KIF13A: variants seen among roughly 807,000 people sequenced by gnomAD.
KIF13A encodes kinesin family member 13A, also known as kinesin-like protein KIF13A.
In KIF13A, 79 loss-of-function variants were observed where a neutral mutation model predicts 212.2. The ratio of observed to expected loss-of-function variants is 0.37; its 90% CI spans 0.31 to 0.45. The LOEUF is 0.45. Among genes scored for constraint, KIF13A ranks in the 20% least tolerant of loss-of-function variants. KIF13A has a pLI of 1.00. For synonymous variants in KIF13A, 789 were observed against 808.6 expected (o/e 0.98, Z 0.41); for missense variants, 1,901 against 2,209.0 (o/e 0.86, Z 2.79).
Position 17,971,691 on chromosome 6 carries a change from T to C in KIF13A, c.146+15363A>G, listed in dbSNP as rs111777848. Among the ~76,000 whole-genome samples the C allele has an allele frequency of 1.3e-3, 198 of 152,256 alleles. 1 individual carries two copies. In the Middle Eastern group the frequency reaches 0.014, roughly 10 times the overall value. On this transcript the variant is annotated intron_variant, in intron 2 of 38. Transcript: ENST00000259711. This position sits in a 1 kb window ranked among gnomAD's most constrained non-coding sequence, Gnocchi z 4.2. ...CCTCCCACCTCTGCCTCCCAAAGAA[T>C]TGGGATTACAGGAGTGAGTCACCAC... is the stretch of plus-strand genomic sequence containing the variant.
intron 2 of KIF13A, among the ~76,000 whole-genome samples, chr6:17,954,452 A>G (rs1778167552): frequency 6.6e-6 from 1 of 152,200 alleles, no homozygotes; most frequent in Non-Finnish European, 1.5e-5. Flanking sequence ...TGCTCAATAA[A>G]TAACAGCTGA....
intron 2 of KIF13A, among the ~76,000 whole-genome samples, chr6:17,981,549 G>A (rs755322732): frequency 2.6e-4 from 39 of 149,936 alleles, no homozygotes; most frequent in Non-Finnish European, 3.7e-4. Context: ...TCAGCCTCCC[G>A]AGTAGCTGGG....
In KIF13A at chr6:17,779,654, A is replaced by G; in HGVS notation, c.3877T>C (p.Ser1293Pro). The change falls in exon 32 of 39, where the codon TCC becomes CCC. Residue 1293 changes from serine (S) to proline (P), a missense_variant. Physicochemically the swap from Ser to Pro is moderately conservative, Grantham distance 74. Transcript: ENST00000259711. ...CAGGAATAAAATATATTTTTCAGGGATATTCTCCTCTTCAAACTCTGCGTG... is the reference window on the plus strand; with the variant it reads ...CAGGAATAAAATATATTTTTCAGGGGTATTCTCCTCTTCAAACTCTGCGTG... Reference protein sequence around the residue: ...SFTQSLKRRISLKNIFYSCGV... With the variant: ...SFTQSLKRRIPLKNIFYSCGV... 6.6e-7 allele frequency: 1 copy of G among 1,505,610 alleles called. No homozygotes were observed. Among genetic ancestry groups the G allele is most frequent in the East Asian group, 2.3e-5 (1 of 43,436 alleles). The allele number at this position is 1,505,610 out of a possible 1,614,324, so 93.3% of individuals were successfully genotyped here. A position where few individuals can be genotyped will look rare whatever the true frequency, so the allele number is the denominator to read the frequency against.
Position 17,771,133 on chromosome 6 carries a change from C to T in KIF13A, c.4562G>A (p.Ser1521Asn), listed in dbSNP as rs374548485. The T allele has an allele frequency of 5.6e-6, 9 of 1,611,504 alleles. No homozygotes were observed. The African/African-American group carries it at 1.2e-4, about 22-fold the overall frequency. The change falls in exon 38 of 39, where the codon AGC (serine) becomes AAC (asparagine). Residue 1521 changes from serine to asparagine, a missense_variant. Ser to Asn is a conservative substitution (Grantham distance 46). Coordinates refer to ENST00000259711, the MANE Select transcript of KIF13A (RefSeq NM_022113.6). This position sits in a 1 kb window ranked among gnomAD's most constrained non-coding sequence, Gnocchi z 5.4. Reference sequence around the variant, plus strand: ...ACTTACAATCTTCTTCTCACGTTTGCTATTGTGTTCTACTGGCATGCTGCT... The same window carrying T: ...ACTTACAATCTTCTTCTCACGTTTGTTATTGTGTTCTACTGGCATGCTGCT... The part of the protein sequence containing the change: ...NGSSMPVEHN[S>N]KREKKIDSEE...
intron 9 of KIF13A, among the ~76,000 whole-genome samples, chr6:17,841,347 G>A (rs1191469578): frequency 6.6e-6 from 1 of 152,134 alleles, no homozygotes; most frequent in Admixed American, 6.5e-5. Context: ...TTTCAGGTGT[G>A]AGCCACCATG....
chr6:17,833,855 CA>C (rs11358140), intron 12 of KIF13A, 105 bp downstream of exon 12: 78,489 of 361,574 alleles, frequency 0.22, 1,902 homozygotes, highest in African/African-American at 0.39. Flanking sequence ...GACTCCGTCT[CA>C]AAAAAAAAAA....
In KIF13A at chr6:17,853,873, T is replaced by C. The variant is rs111617375; in HGVS notation, c.494+1564A>G. Among the ~76,000 whole-genome samples the C allele has an allele frequency of 2.4e-3, 363 of 152,184 alleles. 1 individual carries two copies. Among genetic ancestry groups the C allele is most frequent in the Non-Finnish European group, 3.9e-3 (267 of 68,014 alleles). ...GATCCAAGGGGAACGTATAGTGAGC[T>C]TCACAATTATTGGTCATGTTCCATT... On this transcript the variant is annotated intron_variant, in intron 6 of 38. Coordinates refer to ENST00000259711, the MANE Select transcript of KIF13A (RefSeq NM_022113.6).
Position 17,967,828 on chromosome 6 carries a change from G to A in KIF13A, c.146+19226C>T, listed in dbSNP as rs184683071. 9.3e-4 allele frequency among the ~76,000 whole-genome samples: 142 copies of A among 152,300 alleles called. 2 individuals are homozygous for A. The highest frequency in any genetic ancestry group is 3.2e-3 in the African/African-American group (135 of 41,558). ...ACAATCACTGTGAGATGCATCACAA[G>A]TAACTTGTTAATAAGGTGCTCATTA... On this transcript the variant is annotated intron_variant, in intron 2 of 38. Transcript: ENST00000259711. The surrounding 1 kb of genome is among the most constrained non-coding windows in gnomAD (Gnocchi z 4.1).
intron 16 of KIF13A, chr6:17,822,039 A>ACTT: frequency 2.9e-6 from 2 of 692,414 alleles, no homozygotes; most frequent in South Asian, 3.0e-5. Flanking sequence ...GGGAAACATA[A>ACTT]CTTCTTTTTT....
chr6:17,814,074 C>T (rs1763688288), intron 17 of KIF13A, among the ~76,000 whole-genome samples: 1 of 149,222 alleles, frequency 6.7e-6, no homozygotes, highest in Non-Finnish European at 1.5e-5. Context: ...TGCCTCAGTC[C>T]CCCGAGTAGC....
intron 2 of KIF13A, among the ~76,000 whole-genome samples, chr6:17,976,236 G>A (rs1000849648): frequency 5.3e-5 from 8 of 152,248 alleles, no homozygotes; most frequent in Non-Finnish European, 1.0e-4. Flanking sequence ...GTGGAGAAGG[G>A]GCCGGCGCTC....
At chr6:17,812,990 C>T (rs754330845) in intron 17 of KIF13A, among the ~76,000 whole-genome samples, 45 of 152,132 alleles carry the variant, frequency 3.0e-4, no homozygotes, top group Non-Finnish European at 4.6e-4. Context: ...TTTGAAGACA[C>T]TTTTGCTTTT....
intron 16 of KIF13A, among the ~76,000 whole-genome samples, chr6:17,824,425 G>A (rs1398248230): frequency 1.3e-5 from 2 of 152,108 alleles, no homozygotes; most frequent in Admixed American, 6.6e-5. Flanking sequence ...AAAGAGTAAA[G>A]TGAGAAAGCC....
rs1350817824 is a variant in KIF13A, at chr6:17,825,216, T to C, written c.1786+552A>G. On this transcript the variant is annotated intron_variant, in intron 16 of 38. Transcript: ENST00000259711. The surrounding 1 kb of genome is among the most constrained non-coding windows in gnomAD (Gnocchi z 4.5). Reference sequence around the variant, plus strand: ...GAAAAGGTAAAGGAACACGGACTTTTAGATGTGAAACTTGGTATAAGTCAA... The same window carrying C: ...GAAAAGGTAAAGGAACACGGACTTTCAGATGTGAAACTTGGTATAAGTCAA... Among the ~76,000 whole-genome samples, 1 of 152,228 alleles carries C rather than the reference T, an allele frequency of 6.6e-6. No homozygotes were observed. The highest frequency in any genetic ancestry group is 6.5e-5 in the Admixed American group (1 of 15,282).
chr6:17,866,204 C>T (rs1047218093), intron 4 of KIF13A, among the ~76,000 whole-genome samples: 2 of 152,194 alleles, frequency 1.3e-5, no homozygotes, highest in African/African-American at 4.8e-5. Context: ...CCCAACTCAA[C>T]ATCTCTTCTG....
At chr6:17,851,891 A>G in intron 7 of KIF13A, 64 bp downstream of exon 7, 1 of 776,786 alleles carries the variant, frequency 1.3e-6, no homozygotes, top group Non-Finnish European at 1.9e-6. Context: ...AAATATACTC[A>G]GTATCACTTA....
chr6:17,975,232 A>G (rs972814216), intron 2 of KIF13A, among the ~76,000 whole-genome samples: 2 of 152,170 alleles, frequency 1.3e-5, no homozygotes, highest in Admixed American at 6.5e-5. Flanking sequence ...AGGTTTCTGT[A>G]ATCCCAGCTA....
At position 17,849,150 on chromosome 6, in the gene KIF13A, G is replaced by A. The variant is rs914631767; in HGVS notation, c.830+227C>T. ...ACTCCTGACCTCAGGTGATCTGCCC[G>A]CCTTGGCTTCCCAAAGTACTGGGAT... is the stretch of plus-strand genomic sequence containing the variant. On this transcript the variant is annotated intron_variant, in intron 9 of 38. Coordinates refer to ENST00000259711, the MANE Select transcript of KIF13A (RefSeq NM_022113.6). The surrounding 1 kb of genome is among the most constrained non-coding windows in gnomAD (Gnocchi z 5.7). 2.6e-5 allele frequency among the ~76,000 whole-genome samples: 4 copies of A among 152,046 alleles called. No individual in the cohort carries two copies. The highest frequency in any genetic ancestry group is 4.8e-5 in the African/African-American group (2 of 41,410).
chr6:17,862,744 T>A (rs997043973), intron 4 of KIF13A, among the ~76,000 whole-genome samples: 2 of 152,022 alleles, frequency 1.3e-5, no homozygotes, highest in Admixed American at 6.5e-5. Context: ...GTCAGGAGAT[T>A]GAGACCAACC....
Sources: allele counts gnomAD v4.1 joint callset (sites outside exome capture counted in the v4.1 genomes callset), GRCh38; gene constraint gnomAD v4.1.1; non-coding constraint Gnocchi (gnomAD v3.1); transcripts MANE v1.5; gene names NCBI Gene and HGNC (gene_info 2026-07-23, HGNC 2026-07-21).